Variants in CTNND2 observed in about 807,000 individuals in gnomAD.
CTNND2 encodes the protein catenin delta-2.
In CTNND2, 22 loss-of-function variants were observed where a neutral mutation model predicts 144.4. The observed-to-expected ratio is 0.15, with a 90% CI of 0.11 to 0.22. The LOEUF is 0.22. CTNND2 is among the 10% of genes least tolerant of loss of function. CTNND2 has a pLI of 1.00. For missense variants in CTNND2, 1,353 were observed against 1,618.8 expected, an observed-to-expected ratio of 0.84 and a Z score of 2.82; for synonymous variants, 751 against 695.6, an observed-to-expected ratio of 1.08 and a Z score of -1.25.
intron 9 of CTNND2, among the ~76,000 whole-genome samples, chr5:11,308,927 A>G (rs762793673): frequency 3.2e-4 from 49 of 152,208 alleles, no homozygotes; most frequent in Admixed American, 7.9e-4. Context: ...CACGTCTTAC[A>G]TGGTAGGAGC....
At chr5:10,976,203 G>A (rs966445524) in intron 21 of CTNND2, among the ~76,000 whole-genome samples, 39 of 105,498 alleles carry the variant, frequency 3.7e-4, no homozygotes, top group Admixed American at 2.2e-4. Context: ...TGGTATGGAC[G>A]TCTTGTGGTA....
chr5:11,232,546 T>A (rs999427237), intron 10 of CTNND2, among the ~76,000 whole-genome samples: 1 of 152,244 alleles, frequency 6.6e-6, no homozygotes, highest in Non-Finnish European at 1.5e-5. Context: ...GCCCCCTTGT[T>A]TTGGCCAATT....
At chr5:11,109,094 A>G (rs1292191878) in intron 14 of CTNND2, among the ~76,000 whole-genome samples, 5 of 152,152 alleles carry the variant, frequency 3.3e-5, no homozygotes. Flanking sequence ...GTTTCATGGG[A>G]GGTTTTGTCC....
At chr5:11,265,262 GA>G (rs748250913) in intron 9 of CTNND2, among the ~76,000 whole-genome samples, 36 of 152,282 alleles carry the variant, frequency 2.4e-4, no homozygotes, top group Non-Finnish European at 5.1e-4. Context: ...TATAGGACTG[GA>G]AAAAATAATG....
At chr5:11,128,610 T>C (rs1561348982) in intron 12 of CTNND2, among the ~76,000 whole-genome samples, 1 of 146,590 alleles carries the variant, frequency 6.8e-6, no homozygotes, top group South Asian at 2.1e-4. Context: ...ATGCCTCATG[T>C]CCCATTCCCT....
rs898741646 is a variant in CTNND2, at chr5:11,486,812, A to G, written c.288-74743T>C. On this transcript the variant is annotated intron_variant, in intron 3 of 21. Coordinates refer to ENST00000304623, the MANE Select transcript of CTNND2 (RefSeq NM_001332.4). Reference sequence around the variant, plus strand: ...TTTGGGAAAATTTTACCAAAGCTGTATATGAAATAATTTAAAATTGATAAT... The same window carrying G: ...TTTGGGAAAATTTTACCAAAGCTGTGTATGAAATAATTTAAAATTGATAAT... Among the ~76,000 whole-genome samples the G allele has an allele frequency of 1.5e-3, 225 of 152,338 alleles. 1 individual carries two copies. Among genetic ancestry groups the G allele is most frequent in the African/African-American group, 5.2e-3 (218 of 41,584 alleles).
At chr5:11,850,305 G>A (rs887320403) in intron 1 of CTNND2, among the ~76,000 whole-genome samples, 1 of 151,988 alleles carries the variant, frequency 6.6e-6, no homozygotes, top group African/African-American at 2.4e-5. Flanking sequence ...ACAATTTTGT[G>A]ACAAATTAAA....
At chr5:11,717,791 C>A (rs1361330944) in intron 2 of CTNND2, among the ~76,000 whole-genome samples, 1 of 152,030 alleles carries the variant, frequency 6.6e-6, no homozygotes, top group Non-Finnish European at 1.5e-5. Flanking sequence ...TTATTTACTA[C>A]CATGGGAACA....
At chr5:11,507,926 C>T (rs2150020017) in intron 3 of CTNND2, among the ~76,000 whole-genome samples, 3 of 152,090 alleles carry the variant, frequency 2.0e-5, no homozygotes, top group Middle Eastern at 6.8e-3. Context: ...ATGGGCTGAA[C>T]TCCAGCAAAT....
intron 1 of CTNND2, among the ~76,000 whole-genome samples, chr5:11,747,559 T>C (rs894810721): frequency 5.9e-5 from 9 of 152,170 alleles, no homozygotes; most frequent in African/African-American, 1.7e-4. Flanking sequence ...ATACATTGCA[T>C]CTGTGCAAGA....
At chr5:11,413,186 T>G (rs1439284478) in intron 3 of CTNND2, among the ~76,000 whole-genome samples, 1 of 152,134 alleles carries the variant, frequency 6.6e-6, no homozygotes, top group Admixed American at 6.6e-5. Context: ...AATGATAATA[T>G]TTCAAATTCA....
intron 9 of CTNND2, among the ~76,000 whole-genome samples, chr5:11,276,415 T>C (rs369384428): frequency 1.9e-4 from 29 of 152,186 alleles, no homozygotes; most frequent in African/African-American, 6.8e-4. Context: ...GGTTTCCTCC[T>C]ACTTCCCAGG....
rs566396425 is a variant in CTNND2 at position 11,605,263 on chromosome 5, A to T, written c.175-40207T>A. On this transcript the variant is annotated intron_variant, in intron 2 of 21. Coordinates refer to ENST00000304623, the MANE Select transcript of CTNND2 (RefSeq NM_001332.4). ...TACTAAATGAACATACACATATGAA[A>T]GCAACTTAAATTATACACAATGACC... is the stretch of plus-strand genomic sequence containing the variant. Among the ~76,000 whole-genome samples the T allele has an allele frequency of 3.3e-5, 5 of 152,344 alleles. No individual in the cohort carries two copies. In the East Asian group the frequency reaches 9.7e-4, roughly 29 times the overall value.
chr5:11,754,854 TAAG>T (rs1788841293), intron 1 of CTNND2, among the ~76,000 whole-genome samples: 1 of 151,536 alleles, frequency 6.6e-6, no homozygotes, highest in African/African-American at 2.4e-5. Context: ...CCATGTGGGG[TAAG>T]TATCTTAAAG....
In CTNND2 at chr5:11,317,476, C is replaced by T. The variant is rs1043313835; in HGVS notation, c.1628+28896G>A. Among the ~76,000 whole-genome samples, 3 of 152,186 alleles carry T rather than the reference C, an allele frequency of 2.0e-5. No homozygotes were observed. The East Asian group carries it at 5.8e-4, about 29-fold the overall frequency. ...TTTTGCTTTTTCTCTATAATAAACT[C>T]CCAATTATCCACTGTTTTGAATGCT... On this transcript the variant is annotated intron_variant, in intron 9 of 21. Coordinates refer to ENST00000304623, the MANE Select transcript of CTNND2 (RefSeq NM_001332.4).
intron 3 of CTNND2, among the ~76,000 whole-genome samples, chr5:11,496,325 T>TG (rs1769936946): frequency 6.6e-6 from 1 of 152,238 alleles, no homozygotes; most frequent in Admixed American, 6.5e-5. Context: ...CAGCACATGC[T>TG]GTGCAGCTCT....
chr5:11,812,376 T>G (rs1316002922), intron 1 of CTNND2, among the ~76,000 whole-genome samples: 1 of 152,198 alleles, frequency 6.6e-6, no homozygotes. Context: ...CTTTCATAAC[T>G]GCAAGCCAGG....
At chr5:11,318,017 C>T (rs1751680580) in intron 9 of CTNND2, among the ~76,000 whole-genome samples, 1 of 152,180 alleles carries the variant, frequency 6.6e-6, no homozygotes, top group Non-Finnish European at 1.5e-5. Context: ...TGTCCTTGCC[C>T]TCCTGCCAAT....
chr5:11,721,908 C>T (rs140379483), intron 2 of CTNND2, among the ~76,000 whole-genome samples: 18 of 152,260 alleles, frequency 1.2e-4, no homozygotes, highest in South Asian at 6.2e-4. Context: ...CGTCTATCAA[C>T]GGGAGAGGAT....
Sources: allele counts gnomAD v4.1 joint callset (sites outside exome capture counted in the v4.1 genomes callset), GRCh38; gene constraint gnomAD v4.1.1; transcripts MANE v1.5; gene names NCBI Gene and HGNC (gene_info 2026-07-23, HGNC 2026-07-21).